The following AKAP19 variants were observed in gnomAD, a reference collection of about 807,000 sequenced individuals.
AKAP19 encodes the protein small A-kinase anchoring protein.
the AKAP19 span, among the ~76,000 whole-genome samples, chr2:190,017,645 A>G: frequency 3.3e-5 from 5 of 152,146 alleles, no homozygotes; most frequent in African/African-American, 1.2e-4. Context: ...CTGTTTTCAT[A>G]GATTTGTCGT....
chr2:190,127,580 A>C, the AKAP19 span, among the ~76,000 whole-genome samples: 1 of 152,208 alleles, frequency 6.6e-6, no homozygotes, highest in African/African-American at 2.4e-5. Context: ...TTAGCCACTA[A>C]AGATCTGTAG....
the AKAP19 span, among the ~76,000 whole-genome samples, chr2:190,165,267 T>G: frequency 6.6e-6 from 1 of 151,936 alleles, no homozygotes; most frequent in Admixed American, 6.6e-5. Flanking sequence ...TGAAATCCCA[T>G]CTCTACTAAA....
At chr2:189,895,138 GAA>G in the AKAP19 span, among the ~76,000 whole-genome samples, 1 of 151,846 alleles carries the variant, frequency 6.6e-6, no homozygotes, top group South Asian at 2.1e-4. Flanking sequence ...TAACATAAAA[GAA>G]AATATTAAAA....
chr2:190,120,442 C>G, the AKAP19 span, among the ~76,000 whole-genome samples: 1 of 152,048 alleles, frequency 6.6e-6, no homozygotes, highest in Admixed American at 6.6e-5. Context: ...TTTGATGACA[C>G]TGAAAGCATA....
At chr2:189,982,748 A>T in the AKAP19 span, among the ~76,000 whole-genome samples, 2 of 149,992 alleles carry the variant, frequency 1.3e-5, no homozygotes, top group Non-Finnish European at 3.0e-5. Flanking sequence ...ATTCAGATTC[A>T]TTCCTTATTG....
At chr2:189,944,622 G>A in the AKAP19 span, among the ~76,000 whole-genome samples, 2 of 152,110 alleles carry the variant, frequency 1.3e-5, no homozygotes, top group African/African-American at 4.8e-5. Flanking sequence ...GATCTAAAGA[G>A]AAAGATAAAT....
At chr2:189,977,615 A>G in the AKAP19 span, among the ~76,000 whole-genome samples, 502 of 152,332 alleles carry the variant, frequency 3.3e-3, 1 homozygote, top group African/African-American at 0.011. Flanking sequence ...TAGAAGATAA[A>G]TTTAATTTAA....
chr2:190,117,805 A>G, the AKAP19 span, among the ~76,000 whole-genome samples: 1 of 152,362 alleles, frequency 6.6e-6, no homozygotes, highest in East Asian at 1.9e-4. Context: ...ATCTGAAGAC[A>G]TATGGGAAGA....
chr2:189,943,906 T>A, the AKAP19 span, among the ~76,000 whole-genome samples: 2 of 152,252 alleles, frequency 1.3e-5, no homozygotes, highest in Non-Finnish European at 2.9e-5. Context: ...ATGGGAATGT[T>A]TACTCAGTGC....
chr2:189,933,048 C>T, the AKAP19 span, among the ~76,000 whole-genome samples: 1 of 152,122 alleles, frequency 6.6e-6, no homozygotes, highest in Admixed American at 6.5e-5. Flanking sequence ...ACCAGCATCA[C>T]TTTATTAATG....
the AKAP19 span, among the ~76,000 whole-genome samples, chr2:189,901,774 A>G: frequency 6.6e-6 from 1 of 152,206 alleles, no homozygotes; most frequent in East Asian, 1.9e-4. Flanking sequence ...TTTACTTGAA[A>G]TGCTACCTTT....
chr2:190,078,082 C>T, the AKAP19 span, among the ~76,000 whole-genome samples: 1 of 152,152 alleles, frequency 6.6e-6, no homozygotes, highest in African/African-American at 2.4e-5. Context: ...TAGAGCCTTT[C>T]TTTGCATAGC....
the AKAP19 span, among the ~76,000 whole-genome samples, chr2:190,139,266 G>A: frequency 6.6e-6 from 1 of 152,186 alleles, no homozygotes; most frequent in African/African-American, 2.4e-5. Flanking sequence ...GGATAAGTAG[G>A]ATTTAGGCAA....
chr2:189,905,670 A>C, the AKAP19 span, among the ~76,000 whole-genome samples: 1 of 152,082 alleles, frequency 6.6e-6, no homozygotes, highest in Non-Finnish European at 1.5e-5. Flanking sequence ...GCAGTACTGC[A>C]TATGAATTTC....
At chr2:190,170,112 C>A in the AKAP19 span, among the ~76,000 whole-genome samples, 3 of 152,208 alleles carry the variant, frequency 2.0e-5, no homozygotes, top group Non-Finnish European at 2.9e-5. Flanking sequence ...GGCGACAGCA[C>A]AATTGGGTTC....
At chr2:190,069,864 G>A in the AKAP19 span, among the ~76,000 whole-genome samples, 1 of 152,172 alleles carries the variant, frequency 6.6e-6, no homozygotes, top group Non-Finnish European at 1.5e-5. Context: ...AGGGCTATAG[G>A]ATGTTAAGGT....
chr2:190,013,691 A>AT, the AKAP19 span, among the ~76,000 whole-genome samples: 11 of 150,824 alleles, frequency 7.3e-5, no homozygotes, highest in East Asian at 2.0e-4. Flanking sequence ...AATTTTTTGT[A>AT]TTTTTTTTAG....
At chr2:190,157,364 GTA>G in the AKAP19 span, among the ~76,000 whole-genome samples, 7 of 6,602 alleles carry the variant, frequency 1.1e-3, no homozygotes, top group Admixed American at 6.2e-3. Context: ...CCCTAAACTT[GTA>G]TACACACACA....
At chr2:190,013,670 C>G in the AKAP19 span, among the ~76,000 whole-genome samples, 1 of 152,032 alleles carries the variant, frequency 6.6e-6, no homozygotes, top group East Asian at 1.9e-4. Context: ...TGCCTGCCAC[C>G]ATGCCTGGCT....
Sources: allele counts gnomAD v4.1 joint callset (sites outside exome capture counted in the v4.1 genomes callset), GRCh38; gene constraint gnomAD v4.1.1; transcripts MANE v1.5; gene names NCBI Gene and HGNC (gene_info 2026-07-23, HGNC 2026-07-21).